The following OTOGL variants were observed in gnomAD, a reference collection of about 807,000 sequenced individuals.
OTOGL encodes otogelin like, also known as otogelin-like protein.
OTOGL carries 285 observed loss-of-function variants against 318.5 expected under a neutral mutation model. That is an observed-to-expected ratio of 0.89 (90% CI 0.81 to 0.99). The LOEUF is 0.99. Among genes scored for constraint, OTOGL ranks in the 50% least tolerant of loss-of-function variants. The pLI is 0.00. For synonymous variants in OTOGL, 987 were observed against 936.5 expected, an observed-to-expected ratio of 1.05 and a Z score of -0.99; for missense variants, 2,899 against 2,845.6, an observed-to-expected ratio of 1.02 and a Z score of -0.43.
At chr12:80,320,321 A>G (rs755801956) in intron 33 of OTOGL, 101 bp from the exon 34 acceptor site, 12 of 1,100,132 alleles carry the variant, frequency 1.1e-5, no homozygotes, top group East Asian at 2.6e-5. Context: ...ATGTTTGGCA[A>G]TTGTGCAGTA....
chr12:80,270,056 A>C lies in OTOGL; in HGVS notation c.2466-46A>C, dbSNP rs200383694. 2.0e-3 allele frequency: 2,840 copies of C among 1,423,292 alleles called. 52 individuals carry two copies. The East Asian group carries it at 0.041, about 21-fold the overall frequency. 88.2% of individuals were successfully genotyped at this position (1,423,292 alleles called of 1,614,324 possible). On this transcript the variant is annotated intron_variant, in intron 22 of 58. Coordinates refer to ENST00000547103, the MANE Select transcript of OTOGL (RefSeq NM_001378609.3). ...TGTCGAAATTCAGGGAAAAAAAAAA[A>C]AACAACAGATTTGGTTCCATAAATT...
chr12:80,181,115 G>T lies in OTOGL; in HGVS notation c.-19-28298G>T, dbSNP rs567862714. ...TGAGCTCCATTATTATGAGCATGAA[G>T]GTTTGTCAATTGGTACATTTCAGCA... On this transcript the variant is annotated intron_variant, in intron 1 of 58. Transcript: ENST00000547103. Among the ~76,000 whole-genome samples the T allele has an allele frequency of 3.9e-5, 6 of 152,234 alleles. No individual in the cohort carries two copies. The South Asian group carries it at 1.2e-3, about 32-fold the overall frequency.
intron 1 of OTOGL, among the ~76,000 whole-genome samples, chr12:80,122,648 C>T (rs1300906639): frequency 1.3e-5 from 2 of 152,098 alleles, no homozygotes; most frequent in Admixed American, 6.6e-5. Flanking sequence ...AAATGAGGCA[C>T]ATTTCTCTAG....
At chr12:80,280,159 T>C (rs1028396975) in intron 26 of OTOGL, among the ~76,000 whole-genome samples, 1 of 151,706 alleles carries the variant, frequency 6.6e-6, no homozygotes, top group Non-Finnish European at 1.5e-5. Flanking sequence ...TTTGTACTTA[T>C]TGACTTGTTT....
chr12:80,360,450 C>T (rs1396896326), intron 52 of OTOGL, among the ~76,000 whole-genome samples: 5 of 125,296 alleles, frequency 4.0e-5, no homozygotes, highest in East Asian at 2.6e-4. Context: ...TCCCCCCCCT[C>T]GCTCTTTCCC....
intron 1 of OTOGL, among the ~76,000 whole-genome samples, chr12:80,201,663 A>G (rs999254557): frequency 2.6e-5 from 4 of 152,120 alleles, no homozygotes; most frequent in Non-Finnish European, 5.9e-5. Context: ...CCCAGGACAT[A>G]TACTTCTAAT....
Position 80,336,986 on chromosome 12 carries a change from C to T in OTOGL, c.4842C>T (p.Val1614=). The T allele has an allele frequency of 6.3e-7, 1 of 1,583,454 alleles. No individual in the cohort carries two copies. The highest frequency in any genetic ancestry group is 8.6e-7 in the Non-Finnish European group (1 of 1,162,564). The change falls in exon 42 of 59, where the codon GTC becomes GTT. Residue 1614 remains valine, a synonymous_variant. Coordinates refer to ENST00000547103, the MANE Select transcript of OTOGL (RefSeq NM_001378609.3). ...NVTTPIHKII[V]NRLARKVEVD... ...CAACACCCATACATAAAATAATTGT[C>T]AATCGGTTGGCAAGAAAGGTAAGAA...
rs151125974 is a variant in OTOGL at position 80,156,740 on chromosome 12, C to T, written c.-19-52673C>T. Among the ~76,000 whole-genome samples the T allele has an allele frequency of 7.9e-5, 12 of 152,182 alleles. No homozygotes were observed. The East Asian group carries it at 1.6e-3, about 20-fold the overall frequency. The stretch of plus-strand genomic sequence containing the variant: ...CTTGCCTTCCTCCATGATTGTAAGG[C>T]CTCCCCAGGCATGTGGAACTGTTAA... On this transcript the variant is annotated intron_variant, in intron 1 of 58. Coordinates refer to ENST00000547103, the MANE Select transcript of OTOGL (RefSeq NM_001378609.3).
At chr12:80,155,982 T>C (rs1472762087) in intron 1 of OTOGL, among the ~76,000 whole-genome samples, 1 of 152,242 alleles carries the variant, frequency 6.6e-6, no homozygotes, top group Non-Finnish European at 1.5e-5. Flanking sequence ...AGTACTCCAT[T>C]ATGTATATGT....
At chr12:80,202,251 G>T (rs911322724) in intron 1 of OTOGL, among the ~76,000 whole-genome samples, 1 of 148,438 alleles carries the variant, frequency 6.7e-6, no homozygotes. Flanking sequence ...CTGTCCTCTT[G>T]TCTAGTATCT....
At position 80,305,692 on chromosome 12, in the gene OTOGL, A is replaced by T; in HGVS notation, c.3330A>T (p.Gly1110=). Residue 1110 remains glycine, a synonymous_variant, in exon 29 of 59, where the codon GGA becomes GGT. Transcript: ENST00000547103. ...TATTTGGAGATAGTTGGGCATTAGGACAGGTAAGTTACATAAATGTATTTT... is the reference window on the plus strand; with the variant it reads ...TATTTGGAGATAGTTGGGCATTAGGTCAGGTAAGTTACATAAATGTATTTT... ...ARVFGDSWAL[G]QCESPDETIK... 6.5e-7 allele frequency: 1 copy of T among 1,540,084 alleles called. No homozygotes were observed. Among genetic ancestry groups the T allele is most frequent in the Non-Finnish European group, 8.6e-7 (1 of 1,156,854 alleles).
At chr12:80,176,797 A>T (rs1380248251) in intron 1 of OTOGL, among the ~76,000 whole-genome samples, 1 of 152,038 alleles carries the variant, frequency 6.6e-6, no homozygotes, top group Non-Finnish European at 1.5e-5. Context: ...TGCATATTTA[A>T]TTTTTTTTAA....
intron 1 of OTOGL, among the ~76,000 whole-genome samples, chr12:80,125,214 C>G (rs545020647): frequency 1.1e-4 from 16 of 152,296 alleles, no homozygotes; most frequent in Non-Finnish European, 2.2e-4. Context: ...TATGTCCCAT[C>G]AATACCTAAT....
intron 1 of OTOGL, among the ~76,000 whole-genome samples, chr12:80,188,064 G>A (rs1422153448): frequency 3.9e-5 from 6 of 152,106 alleles, no homozygotes. Context: ...TTGGGGAGAG[G>A]GTTGAGATTT....
At position 80,256,478 on chromosome 12, in the gene OTOGL, T is replaced by A. The variant is rs1401300409; in HGVS notation, c.1711+18T>A. ...CCTGAATGGTAAGAAACAGTGCTAA[T>A]GGTGTACTTTCTTTACATCAAACAA... On this transcript the variant is annotated intron_variant, in intron 17 of 58. Coordinates refer to ENST00000547103, the MANE Select transcript of OTOGL (RefSeq NM_001378609.3). 3.9e-6 allele frequency: 6 copies of A among 1,553,668 alleles called. No individual in the cohort carries two copies. In the African/African-American group the frequency reaches 7.0e-5, roughly 18 times the overall value.
chr12:80,257,849 C>T lies in OTOGL; in HGVS notation c.1736C>T (p.Ser579Leu). The part of the protein sequence containing the change: ...LNGIVEIQTL[S>L]SLFILLKTTF... ...GGTATTGTTGAAATTCAAACTCTGT[C>T]ATCCTTATTTATACTTCTAAAAACC... Residue 579 changes from serine to leucine, a missense_variant, in exon 18 of 59, where the codon TCA becomes TTA. Coordinates refer to ENST00000547103, the MANE Select transcript of OTOGL (RefSeq NM_001378609.3). 2 of 1,582,278 alleles carry T rather than the reference C, an allele frequency of 1.3e-6. No homozygotes were observed. Among genetic ancestry groups the T allele is most frequent in the Non-Finnish European group, 1.7e-6 (2 of 1,172,410 alleles).
At chr12:80,243,025 A>ATT (rs112322935) in intron 11 of OTOGL, among the ~76,000 whole-genome samples, 4 of 148,348 alleles carry the variant, frequency 2.7e-5, no homozygotes, top group African/African-American at 9.8e-5. Context: ...GAAAACCAAG[A>ATT]TTTTTTTTTT....
chr12:80,244,068 A>G (rs1449560684), intron 11 of OTOGL, among the ~76,000 whole-genome samples: 2 of 151,482 alleles, frequency 1.3e-5, no homozygotes, highest in East Asian at 3.9e-4. Context: ...AACATTGAGC[A>G]TGGAATTCAT....
At chr12:80,173,815 A>G (rs1174868347) in intron 1 of OTOGL, among the ~76,000 whole-genome samples, 1 of 152,108 alleles carries the variant, frequency 6.6e-6, no homozygotes, top group East Asian at 1.9e-4. Flanking sequence ...TAATTTCTTC[A>G]CGCTGAATAG....
Sources: allele counts gnomAD v4.1 joint callset (sites outside exome capture counted in the v4.1 genomes callset), GRCh38; gene constraint gnomAD v4.1.1; transcripts MANE v1.5; gene names NCBI Gene and HGNC (gene_info 2026-07-23, HGNC 2026-07-21).